Variants in CACNG2 observed in about 807,000 individuals in gnomAD.
CACNG2 encodes the protein calcium voltage-gated channel auxiliary subunit gamma 2.
A neutral mutation model predicts 25.9 loss-of-function variants in CACNG2; 3 were observed. That is an observed-to-expected ratio of 0.12 (90% CI 0.05 to 0.30). The LOEUF (loss-of-function observed/expected upper bound fraction) is 0.30, where lower values mean the gene tolerates loss of function less well. CACNG2 is among the 10% of genes least tolerant of loss of function. The pLI is 1.00. For missense variants in CACNG2, 341 were observed against 432.5 expected, an observed-to-expected ratio of 0.79 and a Z score of 1.88; for synonymous variants, 167 against 173.3, an observed-to-expected ratio of 0.96 and a Z score of 0.29.
Position 36,665,453 on chromosome 22 carries a change from C to T in CACNG2, c.211+36913G>A, listed in dbSNP as rs560445338. On this transcript the variant is annotated intron_variant, in intron 1 of 3. Coordinates refer to ENST00000300105, the MANE Select transcript of CACNG2 (RefSeq NM_006078.5). ...TGGCACATAGTAAATGCTCAGTTAG[C>T]GTGAGCTGCTTTCATTATTTTAAAT... 5.3e-5 allele frequency among the ~76,000 whole-genome samples: 8 copies of T among 152,322 alleles called. No homozygotes were observed. In the South Asian group the frequency reaches 1.2e-3, roughly 24 times the overall value.
intron 1 of CACNG2, among the ~76,000 whole-genome samples, chr22:36,656,676 A>G (rs556682131): frequency 6.6e-6 from 1 of 152,244 alleles, no homozygotes; most frequent in South Asian, 2.1e-4. Context: ...CCCTGACCTC[A>G]CCTGCTCCAG....
chr22:36,571,733 TG>T (rs1935228782), intron 2 of CACNG2, among the ~76,000 whole-genome samples: 1 of 150,926 alleles, frequency 6.6e-6, no homozygotes, highest in Admixed American at 6.6e-5. Flanking sequence ...AAAAATTAGC[TG>T]GGCATGGTGG....
chr22:36,618,716 T>C (rs4821514), intron 1 of CACNG2, among the ~76,000 whole-genome samples: 106,860 of 151,696 alleles, frequency 0.7, 38,031 homozygotes, highest in East Asian at 0.82. Context: ...GTCAGGAGAT[T>C]GAGACCATCC....
At chr22:36,661,400 G>T (rs182046053) in intron 1 of CACNG2, among the ~76,000 whole-genome samples, 170 of 152,260 alleles carry the variant, frequency 1.1e-3, no homozygotes, top group Non-Finnish European at 2.0e-3. Context: ...GCCATTTCTG[G>T]GCTGAGTGAC....
intron 1 of CACNG2, among the ~76,000 whole-genome samples, chr22:36,635,767 G>A (rs1341141236): frequency 1.3e-5 from 2 of 151,972 alleles, no homozygotes; most frequent in Non-Finnish European, 2.9e-5. Flanking sequence ...TCTCCATGTC[G>A]CTCACCTCCC....
rs900668528 is a variant in CACNG2, at chr22:36,563,293, G to T, written c.*1058C>A. On this transcript the variant is annotated 3_prime_UTR_variant, in exon 4 of 4. Transcript: ENST00000300105. Reference sequence around the variant, plus strand: ...GACTGGGGGGCTTATGAGTCAGGGGGTCCACCATCGCCCCAGGGTCATCAG... The same window carrying T: ...GACTGGGGGGCTTATGAGTCAGGGGTTCCACCATCGCCCCAGGGTCATCAG... Among the ~76,000 whole-genome samples, 3 of 152,032 alleles carry T rather than the reference G, an allele frequency of 2.0e-5. No individual in the cohort carries two copies. The highest frequency in any genetic ancestry group is 2.9e-5 in the Non-Finnish European group (2 of 67,978).
intron 1 of CACNG2, among the ~76,000 whole-genome samples, chr22:36,653,015 ATTG>A (rs1936643045): frequency 6.6e-6 from 1 of 152,008 alleles, no homozygotes; most frequent in Non-Finnish European, 1.5e-5. Flanking sequence ...TGGCCTACAT[ATTG>A]TTGTTGTTAT....
chr22:36,639,121 C>T (rs1200756294), intron 1 of CACNG2, among the ~76,000 whole-genome samples: 2 of 152,190 alleles, frequency 1.3e-5, no homozygotes, highest in Non-Finnish European at 2.9e-5. Context: ...TCCAGTTACT[C>T]GTCTGTGTGA....
intron 1 of CACNG2, among the ~76,000 whole-genome samples, chr22:36,683,756 G>A (rs1937158827): frequency 6.6e-6 from 1 of 152,126 alleles, no homozygotes; most frequent in African/African-American, 2.4e-5. Flanking sequence ...TGTCTTGGGA[G>A]GGGGCATCTC....
At chr22:36,591,876 C>T (rs923292885) in intron 1 of CACNG2, among the ~76,000 whole-genome samples, 4 of 151,794 alleles carry the variant, frequency 2.6e-5, no homozygotes, top group Non-Finnish European at 5.9e-5. Context: ...TGTAACACTT[C>T]TCTTCTGTTG....
intron 1 of CACNG2, among the ~76,000 whole-genome samples, chr22:36,668,936 G>A (rs763199534): frequency 6.6e-6 from 1 of 152,118 alleles, no homozygotes; most frequent in Non-Finnish European, 1.5e-5. Context: ...TTCTATCTGG[G>A]CCATCAGTGG....
intron 1 of CACNG2, among the ~76,000 whole-genome samples, chr22:36,659,979 C>T (rs911777768): frequency 6.6e-6 from 1 of 152,182 alleles, no homozygotes; most frequent in African/African-American, 2.4e-5. Flanking sequence ...CTGGTGGCTT[C>T]CAGCTTGCAC....
At position 36,607,641 on chromosome 22, in the gene CACNG2, C is replaced by T. The variant is rs116580053; in HGVS notation, c.212-20093G>A. The stretch of plus-strand genomic sequence containing the variant: ...CACCTACACCATTAACCCATGAGAG[C>T]GGAAATAGCTCGTGCAACGAGGACC... On this transcript the variant is annotated intron_variant, in intron 1 of 3. Transcript: ENST00000300105. Among the ~76,000 whole-genome samples the T allele has an allele frequency of 3.3e-3, 492 of 151,284 alleles. 3 individuals are homozygous for T. The highest frequency in any genetic ancestry group is 0.011 in the African/African-American group (449 of 40,948).
At chr22:36,615,352 G>A (rs1936007089) in intron 1 of CACNG2, among the ~76,000 whole-genome samples, 1 of 152,124 alleles carries the variant, frequency 6.6e-6, no homozygotes, top group Admixed American at 6.5e-5. Flanking sequence ...GCCCTTCTTG[G>A]TTTAGTCTGT....
At chr22:36,615,972 C>T (rs1478995815) in intron 1 of CACNG2, among the ~76,000 whole-genome samples, 1 of 152,156 alleles carries the variant, frequency 6.6e-6, no homozygotes, top group Non-Finnish European at 1.5e-5. Flanking sequence ...CAACCACACA[C>T]GTGGTAGATG....
chr22:36,615,922 G>A (rs1936015741), intron 1 of CACNG2, among the ~76,000 whole-genome samples: 1 of 152,206 alleles, frequency 6.6e-6, no homozygotes, highest in Non-Finnish European at 1.5e-5. Flanking sequence ...GTGTGTCTAT[G>A]TTCAAACATT....
chr22:36,697,636 G>A (rs556319583), intron 1 of CACNG2, among the ~76,000 whole-genome samples: 1 of 152,320 alleles, frequency 6.6e-6, no homozygotes, highest in South Asian at 2.1e-4. Context: ...TAGAGGAGCC[G>A]GGTTTGGCTA....
Position 36,673,465 on chromosome 22 carries a change from G to A in CACNG2, c.211+28901C>T, listed in dbSNP as rs138075956. Among the ~76,000 whole-genome samples the A allele has an allele frequency of 7.1e-3, 1,086 of 152,204 alleles. 63 individuals are homozygous for A. Among genetic ancestry groups the A allele is most frequent in the Admixed American group, 0.065 (997 of 15,282 alleles). On this transcript the variant is annotated intron_variant, in intron 1 of 3. Coordinates refer to ENST00000300105, the MANE Select transcript of CACNG2 (RefSeq NM_006078.5). ...ACCTTGCCTATGAAGAAAACACCTC[G>A]CAGAACATACACATTGATTTCTTTT... is the stretch of plus-strand genomic sequence containing the variant.
chr22:36,661,561 G>A (rs1023147802), intron 1 of CACNG2, among the ~76,000 whole-genome samples: 1 of 152,188 alleles, frequency 6.6e-6, no homozygotes, highest in Non-Finnish European at 1.5e-5. Flanking sequence ...AAGCGATCCT[G>A]TCATCCCAAA....
Sources: allele counts gnomAD v4.1 joint callset (sites outside exome capture counted in the v4.1 genomes callset), GRCh38; gene constraint gnomAD v4.1.1; transcripts MANE v1.5; gene names NCBI Gene and HGNC (gene_info 2026-07-23, HGNC 2026-07-21).